The following PIK3R3 variants were observed in gnomAD, a reference collection of about 807,000 sequenced individuals.
PIK3R3 encodes phosphoinositide-3-kinase regulatory subunit 3, also known as phosphatidylinositol 3-kinase regulatory subunit gamma.
Under a neutral mutation model 62.9 loss-of-function variants are expected in PIK3R3, and 64 were observed. That is an observed-to-expected ratio of 1.02 (90% CI 0.83 to 1.25). The LOEUF (loss-of-function observed/expected upper bound fraction) is 1.25, where lower values mean the gene tolerates loss of function less well. PIK3R3 is among the 50% of genes most tolerant of loss of function. The pLI, the probability that PIK3R3 is intolerant of heterozygous loss-of-function variation, is 0.00. For synonymous variants in PIK3R3, 165 were observed against 189.0 expected, an observed-to-expected ratio of 0.87 and a Z score of 1.04; for missense variants, 614 against 561.6, an observed-to-expected ratio of 1.09 and a Z score of -0.94.
the PIK3R3 span, among the ~76,000 whole-genome samples, chr1:46,162,823 AT>A: frequency 6.6e-6 from 1 of 152,146 alleles, no homozygotes; most frequent in Non-Finnish European, 1.5e-5. Context: ...AGGTTTCACC[AT>A]GTTAGTTAAG....
intron 1 of PIK3R3, among the ~76,000 whole-genome samples, chr1:46,103,478 G>A (rs866393870): frequency 3.3e-5 from 5 of 151,980 alleles, no homozygotes; most frequent in African/African-American, 7.2e-5. Context: ...GCTGAGGCAC[G>A]AGAATTGTTT....
chr1:46,133,082 A>C, upstream of PIK3R3: 1 of 987,176 alleles, frequency 1.0e-6, no homozygotes, highest in Non-Finnish European at 1.2e-6. Flanking sequence ...GCTCCTGCGA[A>C]GGAGCGGGAG....
At chr1:46,161,527 A>T in the PIK3R3 span, among the ~76,000 whole-genome samples, 4 of 152,360 alleles carry the variant, frequency 2.6e-5, no homozygotes, top group Admixed American at 2.0e-4. Context: ...ATCCTTAAAA[A>T]TATTTTGATC....
chr1:46,073,119 A>G (rs1055307464), intron 3 of PIK3R3, among the ~76,000 whole-genome samples: 2 of 152,172 alleles, frequency 1.3e-5, no homozygotes, highest in Non-Finnish European at 2.9e-5. Flanking sequence ...AAGGGAGAAG[A>G]AAATAGACAG....
chr1:46,152,601 C>T, the PIK3R3 span, among the ~76,000 whole-genome samples: 5 of 133,766 alleles, frequency 3.7e-5, no homozygotes, highest in East Asian at 6.9e-4. Flanking sequence ...CTCACTCTGT[C>T]GCCCAGGCTG....
rs143419515 is a variant in PIK3R3 at position 46,066,682 on chromosome 1, C to T, written c.495+229G>A. On this transcript the variant is annotated intron_variant, in intron 4 of 9. Transcript: ENST00000262741. The stretch of plus-strand genomic sequence containing the variant: ...GGCATGCACCTGTGATCCCAGCTAC[C>T]GGGGAGGCTGAGGCAGGAGGACCAC... Among the ~76,000 whole-genome samples the T allele has an allele frequency of 6.4e-3, 976 of 152,016 alleles. 12 individuals are homozygous for T. Among genetic ancestry groups the T allele is most frequent in the African/African-American group, 0.022 (931 of 41,470 alleles).
upstream of PIK3R3, among the ~76,000 whole-genome samples, chr1:46,135,966 G>T (rs1299872810): frequency 6.8e-6 from 1 of 147,296 alleles, no homozygotes; most frequent in Non-Finnish European, 1.5e-5. Flanking sequence ...GGAGGCAGAG[G>T]TTGCAGTGAG....
chr1:46,140,835 GTTTTTTGTTTTTTTGTTTTTTGT>G, the PIK3R3 span, among the ~76,000 whole-genome samples: 5 of 151,600 alleles, frequency 3.3e-5, no homozygotes, highest in African/African-American at 9.7e-5. Context: ...TTTGTTCTTT[GTTTTTTGTTTTTTTGTTTTTTGT>G]TTTTTTGTTT....
At chr1:46,149,560 T>C in the PIK3R3 span, among the ~76,000 whole-genome samples, 13 of 152,210 alleles carry the variant, frequency 8.5e-5, no homozygotes, top group South Asian at 2.5e-3. Flanking sequence ...TGTTTGAGAC[T>C]GAGTCTTGCT....
At position 46,043,836 on chromosome 1, in the gene PIK3R3, C is replaced by G; in HGVS notation, c.1223G>C (p.Ser408Thr). Residue 408 changes from serine to threonine, a missense_variant, in exon 10 of 10, where the codon AGC becomes ACC. By Grantham distance (58) the Ser-to-Thr change is moderately conservative. Coordinates refer to ENST00000262741, the MANE Select transcript of PIK3R3 (RefSeq NM_003629.4). The stretch of plus-strand genomic sequence containing the variant: ...TGCAAAGCCATAGCCCCGAGCAGTG[C>G]TGTAGATCACACAGTGCTTCACTTC... ...DGEVKHCVIY[S>T]TARGYGFAEP... 1 of 1,614,072 alleles carries G rather than the reference C, an allele frequency of 6.2e-7. No homozygotes were observed. The highest frequency in any genetic ancestry group is 2.2e-5 in the East Asian group (1 of 44,878).
intron 1 of PIK3R3, among the ~76,000 whole-genome samples, chr1:46,122,858 C>T (rs549195960): frequency 6.6e-6 from 1 of 152,030 alleles, no homozygotes; most frequent in Middle Eastern, 3.4e-3. Flanking sequence ...AAGCTTAAGT[C>T]ACAAAATGAA....
intron 1 of PIK3R3, among the ~76,000 whole-genome samples, chr1:46,085,922 G>T (rs1462060203): frequency 6.6e-6 from 1 of 151,866 alleles, no homozygotes; most frequent in African/African-American, 2.4e-5. Context: ...TTTCAAAATT[G>T]TGAGACAGGG....
intron 1 of PIK3R3, among the ~76,000 whole-genome samples, chr1:46,105,540 A>C (rs908803609): frequency 6.6e-6 from 1 of 151,954 alleles, no homozygotes; most frequent in Non-Finnish European, 1.5e-5. Flanking sequence ...CATCAGCTGG[A>C]AACAGTGGCT....
At position 46,043,320 on chromosome 1, in the gene PIK3R3, A is replaced by G. The variant is rs900128847; in HGVS notation, c.*353T>C. ...CTCAAGAGTTAGATTTTAAAAAGAC[A>G]TGGTCTCTTCAGAGGCTTCCAAATA... is the stretch of plus-strand genomic sequence containing the variant. On this transcript the variant is annotated 3_prime_UTR_variant, in exon 10 of 10. Coordinates refer to ENST00000262741, the MANE Select transcript of PIK3R3 (RefSeq NM_003629.4). 1.0e-5 allele frequency: 3 copies of G among 286,088 alleles called. No individual in the cohort carries two copies. Among genetic ancestry groups the G allele is most frequent in the Non-Finnish European group, 2.0e-5 (3 of 149,316 alleles). 17.7% of individuals were successfully genotyped at this position (286,088 alleles called of 1,614,324 possible).
At chr1:46,065,459 A>C (rs1373592043) in intron 5 of PIK3R3, among the ~76,000 whole-genome samples, 1 of 152,356 alleles carries the variant, frequency 6.6e-6, no homozygotes, top group East Asian at 1.9e-4. Context: ...TCCTCAGTAA[A>C]TCCCCACATT....
chr1:46,112,508 TGCA>T lies in PIK3R3; in HGVS notation c.106+19336_106+19338del, dbSNP rs552944903. Among the ~76,000 whole-genome samples, 21 of 152,348 alleles carry T rather than the reference TGCA, an allele frequency of 1.4e-4. No individual in the cohort carries two copies. In the South Asian group the frequency reaches 2.7e-3, roughly 20 times the overall value. Reference sequence around the variant, plus strand: ...ATATTGACAAACTTTCCAAAACAGCTGCAGCAATTCACATCTCCACCAATAGTG... The same window carrying T: ...ATATTGACAAACTTTCCAAAACAGCTGCAATTCACATCTCCACCAATAGTG... On this transcript the variant is annotated intron_variant, in intron 1 of 9. Coordinates refer to ENST00000262741, the MANE Select transcript of PIK3R3 (RefSeq NM_003629.4).
At chr1:46,160,484 G>A in the PIK3R3 span, among the ~76,000 whole-genome samples, 40 of 152,336 alleles carry the variant, frequency 2.6e-4, no homozygotes, top group African/African-American at 8.7e-4. Context: ...GGGAGGATTT[G>A]TTGCCTCATT....
chr1:46,109,676 T>A lies in PIK3R3; in HGVS notation c.106+22171A>T, dbSNP rs145911547. On this transcript the variant is annotated intron_variant, in intron 1 of 9. Coordinates refer to ENST00000262741, the MANE Select transcript of PIK3R3 (RefSeq NM_003629.4). The stretch of plus-strand genomic sequence containing the variant: ...TTTTTTTGCCTTTTTAGTAGAGATG[T>A]GTTCACCATATTGGCCAGGCTGGTC... Among the ~76,000 whole-genome samples the A allele has an allele frequency of 8.7e-4, 133 of 152,084 alleles. 1 individual carries two copies. The East Asian group carries it at 0.025, about 28-fold the overall frequency.
intron 3 of PIK3R3, among the ~76,000 whole-genome samples, chr1:46,071,373 C>A (rs991627965): frequency 6.6e-6 from 1 of 152,012 alleles, no homozygotes; most frequent in African/African-American, 2.4e-5. Flanking sequence ...ATCCTAGATA[C>A]ATTTTTACCT....
Sources: allele counts gnomAD v4.1 joint callset (sites outside exome capture counted in the v4.1 genomes callset), GRCh38; gene constraint gnomAD v4.1.1; transcripts MANE v1.5; gene names NCBI Gene and HGNC (gene_info 2026-07-23, HGNC 2026-07-21).